The following TMTC3 variants were observed in gnomAD, a reference collection of about 807,000 sequenced individuals.
The protein encoded by TMTC3 is protein O-mannosyl-transferase TMTC3.
In TMTC3, 52 loss-of-function variants were observed where a neutral mutation model predicts 92.2. The ratio of observed to expected loss-of-function variants is 0.56; its 90% CI spans 0.45 to 0.71. The LOEUF is 0.71. TMTC3 is among the 30% of genes least tolerant of loss of function. The probability of loss-of-function intolerance (pLI) is 0.00; values close to 1 mark genes in which losing one functional copy is unlikely to be tolerated. For synonymous variants in TMTC3, 339 were observed against 363.3 expected (o/e 0.93, Z 0.76); for missense variants, 896 against 1,057.1 (o/e 0.85, Z 2.11).
chr12:88,155,247 C>T (rs1357095233), intron 4 of TMTC3, among the ~76,000 whole-genome samples: 4 of 152,244 alleles, frequency 2.6e-5, no homozygotes, highest in East Asian at 3.9e-4. Flanking sequence ...TTCCATTCAC[C>T]GTAACACATC....
chr12:88,153,241 C>T, intron 2 of TMTC3, 50 bp from the exon 3 acceptor site: 11 of 1,295,232 alleles, frequency 8.5e-6, no homozygotes, highest in Middle Eastern at 2.6e-4. Context: ...GCTTTTGTAC[C>T]CTGTTGGACC....
rs754809573 is a variant in TMTC3 at position 88,188,880 on chromosome 12, T to C, written c.1470T>C (p.Tyr490=). 9.4e-6 allele frequency: 15 copies of C among 1,595,330 alleles called. No homozygotes were observed. The Admixed American group carries it at 2.2e-4, about 23-fold the overall frequency. The change falls in exon 11 of 14, where the codon TAT becomes TAC. Residue 490 remains tyrosine (Y), a synonymous_variant. Transcript: ENST00000266712. Reference sequence around the variant, plus strand: ...CCCATATGAATGTAGGAAGAACTTATAAAAATTTAAATAGAACCAAAGAAG... The same window carrying C: ...CCCATATGAATGTAGGAAGAACTTACAAAAATTTAAATAGAACCAAAGAAG... ...IGAHMNVGRT[Y]KNLNRTKEAE...
intron 7 of TMTC3, among the ~76,000 whole-genome samples, chr12:88,172,265 G>C (rs886649937): frequency 2.6e-5 from 4 of 152,046 alleles, no homozygotes; most frequent in African/African-American, 9.6e-5. Context: ...TAATGGTTTA[G>C]ATTTTAATTT....
chr12:88,163,032 C>T (rs1419708015), intron 6 of TMTC3, among the ~76,000 whole-genome samples: 2 of 152,024 alleles, frequency 1.3e-5, no homozygotes, highest in Non-Finnish European at 2.9e-5. Context: ...TCTCCTGCCT[C>T]AGCCTACTGA....
chr12:88,165,428 A>G (rs969674134), intron 6 of TMTC3, among the ~76,000 whole-genome samples: 9 of 152,092 alleles, frequency 5.9e-5, no homozygotes, highest in African/African-American at 2.2e-4. Flanking sequence ...AATAATATGT[A>G]AGTTGTGAGA....
chr12:88,184,438 C>T (rs116952997), intron 10 of TMTC3, among the ~76,000 whole-genome samples: 8,014 of 152,280 alleles, frequency 0.053, 284 homozygotes, highest in Non-Finnish European at 0.077. Flanking sequence ...TAATTCCCTT[C>T]GGAAGCTTTT....
chr12:88,173,104 G>A, intron 8 of TMTC3: 29 of 1,250,386 alleles, frequency 2.3e-5, no homozygotes, highest in Non-Finnish European at 2.9e-5. Context: ...GTCATATTGA[G>A]TTAATATATA....
chr12:88,187,357 T>G (rs1452924121), intron 10 of TMTC3, among the ~76,000 whole-genome samples: 2 of 152,188 alleles, frequency 1.3e-5, no homozygotes, highest in Non-Finnish European at 2.9e-5. Context: ...TGATTCTACA[T>G]CAGAATTGCC....
At chr12:88,188,764 A>G in intron 10 of TMTC3, 79 bp from the exon 11 acceptor site, 2 of 690,214 alleles carry the variant, frequency 2.9e-6, no homozygotes, top group South Asian at 2.3e-5. Flanking sequence ...TATATATCAA[A>G]TACATTTAAT....
intron 6 of TMTC3, among the ~76,000 whole-genome samples, chr12:88,162,312 G>C (rs2041089709): frequency 6.6e-6 from 1 of 152,064 alleles, no homozygotes; most frequent in Non-Finnish European, 1.5e-5. Flanking sequence ...CTTGTGCTTA[G>C]GTAAACTGAG....
intron 1 of TMTC3, among the ~76,000 whole-genome samples, chr12:88,146,635 G>A (rs1419718142): frequency 6.8e-6 from 1 of 147,838 alleles, no homozygotes; most frequent in Non-Finnish European, 1.5e-5. Context: ...ACATATATAT[G>A]TATATATATG....
Position 88,174,657 on chromosome 12 carries a change from A to G in TMTC3, c.1250A>G (p.His417Arg). 3 of 1,612,576 alleles carry G rather than the reference A, an allele frequency of 1.9e-6. No individual in the cohort carries two copies. The highest frequency in any genetic ancestry group is 2.5e-6 in the Non-Finnish European group (3 of 1,179,040). Residue 417 changes from histidine to arginine, a missense_variant, in exon 9 of 14, where the codon CAT becomes CGT. His to Arg is a conservative substitution (Grantham distance 29, BLOSUM62 0). Transcript: ENST00000266712. ...WICLSMVILT[H>R]SLKTFHRNWD... ...TGTCTGTCTATGGTGATACTCACTC[A>G]TTCCTTAAAAACATTCCACAGAAAT... is the stretch of plus-strand genomic sequence containing the variant.
chr12:88,149,358 G>A (rs918012977), intron 2 of TMTC3, among the ~76,000 whole-genome samples: 2 of 152,122 alleles, frequency 1.3e-5, no homozygotes, highest in African/African-American at 4.8e-5. Context: ...TTAACTGTGT[G>A]AAATAGGTGA....
chr12:88,146,582 C>A (rs2040876826), intron 1 of TMTC3, among the ~76,000 whole-genome samples: 1 of 130,352 alleles, frequency 7.7e-6, no homozygotes, highest in Non-Finnish European at 1.7e-5. Context: ...CATATACATA[C>A]CTATATATTT....
chr12:88,168,310 G>A lies in TMTC3; in HGVS notation c.1050+1728G>A, dbSNP rs78751190. 4.4e-3 allele frequency among the ~76,000 whole-genome samples: 665 copies of A among 152,280 alleles called. 7 individuals carry two copies. The highest frequency in any genetic ancestry group is 0.015 in the African/African-American group (640 of 41,552). On this transcript the variant is annotated intron_variant, in intron 7 of 13. Coordinates refer to ENST00000266712, the MANE Select transcript of TMTC3 (RefSeq NM_181783.4). ...GTGCAGTGAGTGATTTGATGAGGAA[G>A]TGAAGAGAGCTAGTATAGACCTGTA...
At chr12:88,152,543 A>G (rs2138365717) in intron 2 of TMTC3, among the ~76,000 whole-genome samples, 1 of 152,302 alleles carries the variant, frequency 6.6e-6, no homozygotes, top group South Asian at 2.1e-4. Flanking sequence ...TTAATATTTT[A>G]TATATATTCG....
intron 8 of TMTC3, 102 bp downstream of exon 8, chr12:88,172,847 A>G: frequency 1.3e-6 from 2 of 1,490,034 alleles, no homozygotes; most frequent in South Asian, 1.3e-5. Flanking sequence ...ATGCTTTTGT[A>G]TCTTTTGGTT....
In TMTC3 at chr12:88,195,055, G is replaced by A. The variant is rs1412482194; in HGVS notation, c.2151G>A (p.Lys717=). 3.7e-6 allele frequency: 6 copies of A among 1,613,674 alleles called. No homozygotes were observed. The African/African-American group carries it at 6.7e-5, about 18-fold the overall frequency. Residue 717 remains lysine, a synonymous_variant, in exon 14 of 14, where the codon AAG becomes AAA. Coordinates refer to ENST00000266712, the MANE Select transcript of TMTC3 (RefSeq NM_181783.4). ...CTCTCCTGTATTCCCAGACTGCAAA[G>A]GAATTAAAGGCTTTGCCAATTTTGG... The part of the protein sequence containing the change: ...NLALLYSQTA[K]ELKALPILEE...
At chr12:88,165,707 AAGAG>A (rs1164206300) in intron 6 of TMTC3, among the ~76,000 whole-genome samples, 1 of 152,124 alleles carries the variant, frequency 6.6e-6, no homozygotes, top group South Asian at 2.1e-4. Context: ...AGTATTTACT[AAGAG>A]AGAAAGTAGA....
Sources: gnomAD v4.1 joint callset for allele counts (sites outside exome capture counted in the v4.1 genomes callset) on GRCh38, gnomAD v4.1.1 for gene constraint, MANE v1.5 for transcripts, NCBI Gene and HGNC (gene_info 2026-07-23, HGNC 2026-07-21) for gene names.